The following PSMD14 variants were observed in gnomAD, a reference collection of about 807,000 sequenced individuals.
The protein encoded by PSMD14 is ubiquitin C-terminal hydrolase PSMD14.
Under a neutral mutation model 41.2 loss-of-function variants are expected in PSMD14, and 7 were observed. The ratio of observed to expected loss-of-function variants is 0.17; its 90% CI spans 0.10 to 0.32. The LOEUF is 0.32. Among genes scored for constraint, PSMD14 ranks in the 10% least tolerant of loss-of-function variants. PSMD14 has a pLI of 1.00. For missense variants in PSMD14, 139 were observed against 375.6 expected (o/e 0.37, Z 5.21); for synonymous variants, 114 against 122.3 (o/e 0.93, Z 0.45).
At chr2:161,363,111 A>G (rs1683311927) in intron 3 of PSMD14, among the ~76,000 whole-genome samples, 1 of 152,156 alleles carries the variant, frequency 6.6e-6, no homozygotes, top group Non-Finnish European at 1.5e-5. Context: ...TGGCGGCATT[A>G]TATTCTCATA....
At chr2:161,388,068 A>G (rs1683656833) in intron 8 of PSMD14, among the ~76,000 whole-genome samples, 1 of 152,068 alleles carries the variant, frequency 6.6e-6, no homozygotes, top group Non-Finnish European at 1.5e-5. Context: ...TAAATTTTTT[A>G]AACTATTCCA....
At chr2:161,357,023 G>C (rs1355985421) in intron 3 of PSMD14, among the ~76,000 whole-genome samples, 2 of 143,394 alleles carry the variant, frequency 1.4e-5, no homozygotes, top group Non-Finnish European at 3.0e-5. Flanking sequence ...TAAAAGGCCT[G>C]AGTAGGTAAC....
At chr2:161,396,699 A>G (rs1683802284) in intron 10 of PSMD14, among the ~76,000 whole-genome samples, 1 of 152,182 alleles carries the variant, frequency 6.6e-6, no homozygotes, top group South Asian at 2.1e-4. Context: ...TTAAGAAACA[A>G]TATGCTTGGC....
rs561063913 is a variant in PSMD14 at position 161,312,287 on chromosome 2, G to A, written c.-138+3683G>A. ...GCCTCCTGAGTAGCTGGGATTATAA[G>A]CACCCGTCACCACGCCCAGCTAATT... On this transcript the variant is annotated intron_variant, in intron 1 of 11. Coordinates refer to ENST00000409682, the MANE Select transcript of PSMD14 (RefSeq NM_005805.6). 4.6e-5 allele frequency among the ~76,000 whole-genome samples: 7 copies of A among 152,052 alleles called. No homozygotes were observed. In the East Asian group the frequency reaches 7.8e-4, roughly 17 times the overall value.
chr2:161,322,746 A>G (rs1003505581), intron 3 of PSMD14, among the ~76,000 whole-genome samples: 10 of 152,110 alleles, frequency 6.6e-5, no homozygotes, highest in African/African-American at 2.4e-4. Context: ...TATCAGTATT[A>G]TAATCACAGT....
intron 3 of PSMD14, among the ~76,000 whole-genome samples, chr2:161,331,120 C>T (rs750669069): frequency 1.2e-4 from 18 of 152,142 alleles, no homozygotes; most frequent in Non-Finnish European, 1.9e-4. Context: ...AGCTATATCA[C>T]TATAGGGAGA....
chr2:161,388,725 C>T (rs1180424307), intron 8 of PSMD14, among the ~76,000 whole-genome samples: 1 of 152,066 alleles, frequency 6.6e-6, no homozygotes, highest in Non-Finnish European at 1.5e-5. Context: ...GTCTTTAGAT[C>T]CAAGCACACC....
chr2:161,309,027 T>G (rs1689057980), intron 1 of PSMD14, among the ~76,000 whole-genome samples: 1 of 152,222 alleles, frequency 6.6e-6, no homozygotes, highest in Admixed American at 6.5e-5. Flanking sequence ...CCTGTAAGCC[T>G]TAACCCTTTT....
intron 3 of PSMD14, among the ~76,000 whole-genome samples, chr2:161,326,880 A>AAT (rs1682707562): frequency 6.6e-6 from 1 of 152,182 alleles, no homozygotes; most frequent in Admixed American, 6.5e-5. Context: ...ATGCTATGTA[A>AAT]ATATATATAA....
chr2:161,384,084 A>T (rs1210122316), intron 7 of PSMD14: 2 of 151,684 alleles, frequency 1.3e-5, no homozygotes, highest in African/African-American at 4.8e-5. Context: ...TAAAAAGAAA[A>T]AAGTTTTCAC....
At chr2:161,321,496 C>T (rs1474691552) in intron 3 of PSMD14, among the ~76,000 whole-genome samples, 3 of 152,124 alleles carry the variant, frequency 2.0e-5, no homozygotes, top group African/African-American at 4.8e-5. Context: ...TTGTTTCACT[C>T]CCAATTGACA....
At chr2:161,308,685 AC>A (rs1689053147) in intron 1 of PSMD14, 81 bp downstream of exon 1, 1 of 152,376 alleles carries the variant, frequency 6.6e-6, no homozygotes, top group African/African-American at 2.4e-5. Context: ...TTCCTGAGTC[AC>A]GTTGCCCAGC....
At chr2:161,354,253 T>TG (rs1237036073) in intron 3 of PSMD14, among the ~76,000 whole-genome samples, 8 of 152,002 alleles carry the variant, frequency 5.3e-5, no homozygotes, top group Admixed American at 3.9e-4. Context: ...TGTCAGATGG[T>TG]GGGGGGTTGG....
chr2:161,397,786 T>G (rs1465107966), intron 10 of PSMD14, among the ~76,000 whole-genome samples: 1 of 152,182 alleles, frequency 6.6e-6, no homozygotes, highest in Non-Finnish European at 1.5e-5. Flanking sequence ...ATGCCCTGAT[T>G]ATAGTGTTTC....
At chr2:161,346,883 A>G (rs995105850) in intron 3 of PSMD14, among the ~76,000 whole-genome samples, 2 of 152,046 alleles carry the variant, frequency 1.3e-5, no homozygotes, top group African/African-American at 4.8e-5. Context: ...CAGACCATGC[A>G]TTGATTCCTC....
At chr2:161,316,986 A>T (rs772528645) in intron 2 of PSMD14, among the ~76,000 whole-genome samples, 10 of 152,152 alleles carry the variant, frequency 6.6e-5, no homozygotes, top group Non-Finnish European at 1.5e-4. Flanking sequence ...CCTAGAATAT[A>T]TATATTCTAA....
chr2:161,310,407 G>C (rs1047190233), intron 1 of PSMD14, among the ~76,000 whole-genome samples: 1 of 152,030 alleles, frequency 6.6e-6, no homozygotes, highest in Non-Finnish European at 1.5e-5. Context: ...TAATAATTCA[G>C]TGTCCACCTG....
intron 7 of PSMD14, chr2:161,383,948 T>A (rs1044524378): frequency 2.0e-5 from 3 of 151,668 alleles, no homozygotes; most frequent in African/African-American, 7.2e-5. Flanking sequence ...AAAATATGTC[T>A]GATAGTACTT....
intron 10 of PSMD14, among the ~76,000 whole-genome samples, chr2:161,397,146 T>C (rs1433960960): frequency 6.6e-6 from 1 of 152,062 alleles, no homozygotes; most frequent in Non-Finnish European, 1.5e-5. Flanking sequence ...TTATTTTTGA[T>C]CAGAGGCATG....
Sources: allele counts gnomAD v4.1 joint callset (sites outside exome capture counted in the v4.1 genomes callset), GRCh38; gene constraint gnomAD v4.1.1; transcripts MANE v1.5; gene names NCBI Gene and HGNC (gene_info 2026-07-23, HGNC 2026-07-21).